The following MYO15A variants were observed in gnomAD, a reference collection of about 807,000 sequenced individuals.
MYO15A encodes the protein myosin XVA, also known as unconventional myosin-XV.
Under a neutral mutation model 394.6 loss-of-function variants are expected in MYO15A, and 308 were observed. The ratio of observed to expected loss-of-function variants is 0.78; its 90% CI spans 0.71 to 0.86. MYO15A has a LOEUF of 0.86. MYO15A is among the 40% of genes least tolerant of loss of function. The probability of loss-of-function intolerance (pLI) is 0.00; values close to 1 mark genes in which losing one functional copy is unlikely to be tolerated. For synonymous variants in MYO15A, 1,957 were observed against 2,003.8 expected (o/e 0.98, Z 0.62); for missense variants, 4,606 against 4,799.1 (o/e 0.96, Z 1.19).
rs770282862 is a variant in MYO15A at position 18,155,208 on chromosome 17, C to T, written c.8323C>T (p.Arg2775Cys). The stretch of plus-strand genomic sequence containing the variant: ...AGACACCTGGGAGGTCTACTTCTCC[C>T]GCATCTTCCCCGCCACGGTGCGAGC... ...ARDTWEVYFS[R>C]IFPATGSVGT... Residue 2775 changes from arginine to cysteine, a missense_variant, in exon 46 of 66, where the codon CGC (arginine) becomes TGC (cysteine). By Grantham distance (180) the Arg-to-Cys change is radical. Around this residue, in one of 2 missense-constraint regions of MYO15A, gnomAD observed 2,776 missense variants for 3,109.3 expected, o/e 0.89. Transcript: ENST00000647165. 2.5e-6 allele frequency: 4 copies of T among 1,613,912 alleles called. No homozygotes were observed. Among genetic ancestry groups the T allele is most frequent in the Non-Finnish European group, 3.4e-6 (4 of 1,180,004 alleles).
At chr17:18,156,137 T>C (rs2046670748) in intron 47 of MYO15A, 58 bp from the exon 48 acceptor site, 17 of 1,612,352 alleles carry the variant, frequency 1.1e-5, no homozygotes, top group African/African-American at 1.3e-5. Flanking sequence ...AGCAGCACAA[T>C]AGGTGGAAGG....
chr17:18,121,410 C>G lies in MYO15A; in HGVS notation c.2610C>G (p.His870Gln), dbSNP rs1466934196. The G allele has an allele frequency of 6.5e-6, 10 of 1,540,822 alleles. No individual in the cohort carries two copies. Among genetic ancestry groups the G allele is most frequent in the Non-Finnish European group, 7.9e-6 (9 of 1,145,498 alleles). Reference protein sequence around the residue: ...SSLNLPSRLPHTWRRLSEPPT... With the variant: ...SSLNLPSRLPQTWRRLSEPPT... ...TGAATCTGCCCTCGCGCCTCCCGCA[C>G]ACGTGGCGGCGCCTCAGCGAGCCAC... Residue 870 changes from histidine (H) to glutamine (Q), a missense_variant, in exon 2 of 66, where the codon CAC becomes CAG. Transcript: ENST00000647165. The surrounding 1 kb of genome is among the most constrained non-coding windows in gnomAD (Gnocchi z 5.3).
Position 18,119,001 on chromosome 17 carries a change from C to G in MYO15A, c.201C>G (p.Pro67=), listed in dbSNP as rs1468387337. The G allele has an allele frequency of 6.2e-7, 1 of 1,612,786 alleles. No homozygotes were observed. The highest frequency in any genetic ancestry group is 1.1e-5 in the South Asian group (1 of 91,046). ...TCTTCTGGGGCCTCCACACCGGCCC[C>G]CAGAAGACCAAGCGCAAGAGGAAGG... is the stretch of plus-strand genomic sequence containing the variant. ...SAFFWGLHTG[P]QKTKRKRKAR... Residue 67 remains proline, a synonymous_variant, in exon 2 of 66, where the codon CCC becomes CCG. Transcript: ENST00000647165.
intron 29 of MYO15A, among the ~76,000 whole-genome samples, chr17:18,145,211 G>A (rs994728670): frequency 3.3e-5 from 5 of 151,984 alleles, no homozygotes; most frequent in African/African-American, 7.3e-5. Context: ...CCATGGGAGG[G>A]TTGTGGTCAT....
intron 19 of MYO15A, 94 bp from the exon 20 acceptor site, chr17:18,140,423 C>T (rs2046356517): frequency 6.4e-7 from 1 of 1,555,040 alleles, no homozygotes. Flanking sequence ...TTCAGATCCC[C>T]CTGGTCCGGA....
In MYO15A at chr17:18,120,731, C is replaced by A. The variant is rs746737801; in HGVS notation, c.1931C>A (p.Pro644Gln). The change falls in exon 2 of 66, where the codon CCG becomes CAG. Residue 644 changes from proline (P) to glutamine (Q), a missense_variant. Coordinates refer to ENST00000647165, the MANE Select transcript of MYO15A (RefSeq NM_016239.4). The part of the protein sequence containing the change: ...RARSSNDARR[P>Q]PAPQPAPRTL... Reference sequence around the variant, plus strand: ...CGCAGCAGCAACGACGCGCGCCGCCCGCCCGCGCCACAGCCCGCGCCCAGG... The same window carrying A: ...CGCAGCAGCAACGACGCGCGCCGCCAGCCCGCGCCACAGCCCGCGCCCAGG... 3.0e-5 allele frequency: 45 copies of A among 1,475,862 alleles called. No individual in the cohort carries two copies. In the South Asian group the frequency reaches 5.6e-4, roughly 18 times the overall value. 91.4% of individuals were successfully genotyped at this position (1,475,862 alleles called of 1,614,324 possible).
chr17:18,110,735 T>G (rs2045710105), intron 1 of MYO15A, among the ~76,000 whole-genome samples: 1 of 152,200 alleles, frequency 6.6e-6, no homozygotes, highest in African/African-American at 2.4e-5. Context: ...GTCCCATCCC[T>G]TTCACGGCCA....
chr17:18,119,594 G>T lies in MYO15A; in HGVS notation c.794G>T (p.Gly265Val). ...CAGGAACCCTACCTGGCGGGCCTCG[G>T]CCCCTACAGCCCGGCCTGGCCACCC... The part of the protein sequence containing the change: ...EEQEPYLAGL[G>V]PYSPAWPPYG... Residue 265 changes from glycine (G) to valine (V), a missense_variant, in exon 2 of 66, where the codon GGC (glycine) becomes GTC (valine). Physicochemically the swap from Gly to Val is moderately radical, Grantham distance 109. Around this residue, in one of 2 missense-constraint regions of MYO15A, gnomAD observed 1,830 missense variants for 1,689.7 expected, o/e 1.08. Transcript: ENST00000647165. The T allele has an allele frequency of 6.2e-7, 1 of 1,604,092 alleles. No individual in the cohort carries two copies. The highest frequency in any genetic ancestry group is 8.5e-7 in the Non-Finnish European group (1 of 1,179,914).
Position 18,175,481 on chromosome 17 carries a change from G to A in MYO15A, c.10491+1560G>A, listed in dbSNP as rs185892360. Among the ~76,000 whole-genome samples the A allele has an allele frequency of 1.2e-4, 18 of 151,888 alleles. No individual in the cohort carries two copies. The East Asian group carries it at 3.5e-3, about 29-fold the overall frequency. ...AATTTTTGTATTTTTAGCAGAGATA[G>A]GGTTTCACCATTTTGGCCAGGTTGT... is the stretch of plus-strand genomic sequence containing the variant. On this transcript the variant is annotated intron_variant, in intron 65 of 65. Coordinates refer to ENST00000647165, the MANE Select transcript of MYO15A (RefSeq NM_016239.4).
rs147474161 is a variant in MYO15A, at chr17:18,141,604, AC to A, written c.5532-47del. On this transcript the variant is annotated intron_variant, in intron 22 of 65. Coordinates refer to ENST00000647165, the MANE Select transcript of MYO15A (RefSeq NM_016239.4). ...GCAGTAACCCCATGGTCTAGCAGAC[AC>A]CTCGGGTAGGTCTCATAGCCCCAGA... is the stretch of plus-strand genomic sequence containing the variant. 1.5e-3 allele frequency: 2,283 copies of A among 1,558,150 alleles called. 43 individuals are homozygous for A. In the African/African-American group the frequency reaches 0.028, roughly 19 times the overall value.
chr17:18,155,485 A>G, intron 47 of MYO15A, 53 bp downstream of exon 47: 2 of 1,504,644 alleles, frequency 1.3e-6, no homozygotes, highest in Admixed American at 1.7e-5. Flanking sequence ...ACAGACTGGC[A>G]TCGGCATTTC....
At chr17:18,127,390 C>T (rs2046068525) in intron 7 of MYO15A, among the ~76,000 whole-genome samples, 2 of 152,156 alleles carry the variant, frequency 1.3e-5, no homozygotes, top group Non-Finnish European at 2.9e-5. Context: ...CTCCTGCTTC[C>T]AGCCCTCCGG....
rs2046622518 is a variant in MYO15A, at chr17:18,153,631, G to C, written c.7967-144G>C. 1 of 810,464 alleles carries C rather than the reference G, an allele frequency of 1.2e-6. No individual in the cohort carries two copies. Among genetic ancestry groups the C allele is most frequent in the Admixed American group, 4.4e-5 (1 of 22,826 alleles). 50.2% of individuals were successfully genotyped at this position (810,464 alleles called of 1,614,324 possible). On this transcript the variant is annotated intron_variant, in intron 42 of 65. Transcript: ENST00000647165. The surrounding 1 kb of genome is among the most constrained non-coding windows in gnomAD (Gnocchi z 4.1). The stretch of plus-strand genomic sequence containing the variant: ...GAGAATCGCTTGAACCCAGGAGGCG[G>C]AGCTTGCAGTGGGCCGAGATTGCGC...
chr17:18,155,528 T>C, intron 47 of MYO15A, 96 bp downstream of exon 47: 2 of 1,161,394 alleles, frequency 1.7e-6, no homozygotes, highest in Non-Finnish European at 1.3e-6. Flanking sequence ...CAAGTACCCA[T>C]GATGCGCCAG....
At chr17:18,156,058 G>T (rs569214603) in intron 47 of MYO15A, 137 bp from the exon 48 acceptor site, 6 of 1,356,974 alleles carry the variant, frequency 4.4e-6, no homozygotes, top group Non-Finnish European at 6.1e-6. Context: ...GAAGCTTAGG[G>T]TTCTGTGGGA....
At chr17:18,135,669 CCTAT>C in intron 12 of MYO15A, 38 bp from the exon 13 acceptor site, 1 of 1,573,918 alleles carries the variant, frequency 6.4e-7, no homozygotes, top group Non-Finnish European at 8.7e-7. Flanking sequence ...TTAAATTTAG[CCTAT>C]CTAGTTCAAA....
chr17:18,139,086 TTAGC>T, intron 18 of MYO15A, 150 bp downstream of exon 18: 2 of 1,196,144 alleles, frequency 1.7e-6, no homozygotes, highest in Non-Finnish European at 2.4e-6. Context: ...AGCAAATTGC[TTAGC>T]CAGTCTGAGC....
intron 21 of MYO15A, 45 bp downstream of exon 21, chr17:18,140,877 C>T: frequency 1.2e-6 from 2 of 1,613,688 alleles, no homozygotes; most frequent in Non-Finnish European, 1.7e-6. Flanking sequence ...TCCTCCTGCC[C>T]ATGCTGTGTG....
At chr17:18,137,856 G>A in intron 16 of MYO15A, 177 bp downstream of exon 16, 2 of 867,886 alleles carry the variant, frequency 2.3e-6, no homozygotes, top group Non-Finnish European at 3.6e-6. Context: ...TGGAGGGAAA[G>A]GTGCTGAGGT....
Sources: gnomAD v4.1 joint callset for allele counts (sites outside exome capture counted in the v4.1 genomes callset) on GRCh38, gnomAD v4.1.1 for gene constraint, gnomAD v4.1.1 regional missense constraint, Gnocchi (gnomAD v3.1) non-coding constraint, MANE v1.5 for transcripts, NCBI Gene and HGNC (gene_info 2026-07-23, HGNC 2026-07-21) for gene names.